PKHD1: variants seen among roughly 807,000 people sequenced by gnomAD.
The protein encoded by PKHD1 is PKHD1 ciliary IPT domain containing fibrocystin/polyductin, also known as fibrocystin.
A neutral mutation model predicts 412.0 loss-of-function variants in PKHD1; 291 were observed. That is an observed-to-expected ratio of 0.71 (90% CI 0.64 to 0.78). The LOEUF (loss-of-function observed/expected upper bound fraction) is 0.78. Ranked by LOEUF, PKHD1 falls within the 30% of genes least tolerant of loss-of-function variation. The probability of loss-of-function intolerance (pLI) is 0.00; values close to 1 mark genes in which losing one functional copy is unlikely to be tolerated. For missense variants in PKHD1, 4,825 were observed against 4,950.7 expected (o/e 0.97, Z 0.76); for synonymous variants, 1,777 against 1,821.5 (o/e 0.98, Z 0.62).
intron 60 of PKHD1, among the ~76,000 whole-genome samples, chr6:51,688,482 G>A (rs1777732690): frequency 6.6e-6 from 1 of 151,390 alleles, no homozygotes; most frequent in South Asian, 2.1e-4. Flanking sequence ...CAAGATCAGA[G>A]CTGAACTGAA....
intron 60 of PKHD1, among the ~76,000 whole-genome samples, chr6:51,737,028 T>TA (rs1783946033): frequency 6.6e-6 from 1 of 152,220 alleles, no homozygotes; most frequent in African/African-American, 2.4e-5. Context: ...TTCTTTTTTT[T>TA]ATCAACCTAA....
In PKHD1 at chr6:51,855,876, T is replaced by C. The variant is rs1554275440; in HGVS notation, c.7911+17A>G. On this transcript the variant is annotated intron_variant, in intron 49 of 66. Coordinates refer to ENST00000371117, the MANE Select transcript of PKHD1 (RefSeq NM_138694.4). The stretch of plus-strand genomic sequence containing the variant: ...AATGAGAATGCAGCATACCAACTAA[T>C]GGATTCCTTGGGTTACCTGCAGAGA... The C allele has an allele frequency of 3.1e-6, 5 of 1,589,882 alleles. No individual in the cohort carries two copies. The South Asian group carries it at 3.3e-5, about 11-fold the overall frequency.
At position 51,931,818 on chromosome 6, in the gene PKHD1, A is replaced by C. The variant is rs557612706; in HGVS notation, c.6121+2292T>G. The stretch of plus-strand genomic sequence containing the variant: ...TGGCCTAATCTGGGAATATAGGAAA[A>C]GGGGGAGAGAGAGAGAGGAGGGAGA... On this transcript the variant is annotated intron_variant, in intron 37 of 66. Transcript: ENST00000371117. 1.1e-4 allele frequency among the ~76,000 whole-genome samples: 17 copies of C among 149,156 alleles called. No individual in the cohort carries two copies. The East Asian group carries it at 2.9e-3, about 26-fold the overall frequency.
At chr6:52,079,820 TC>T (rs1811794430) in intron 5 of PKHD1, 79 bp downstream of exon 5, 3 of 823,372 alleles carry the variant, frequency 3.6e-6, no homozygotes. Flanking sequence ...ACACGCTGGC[TC>T]ATTTACAATT....
At chr6:51,892,471 C>T (rs773464758) in intron 43 of PKHD1, among the ~76,000 whole-genome samples, 6 of 152,316 alleles carry the variant, frequency 3.9e-5, no homozygotes, top group Middle Eastern at 3.4e-3. Context: ...TACTGGTATT[C>T]AGTGCATAGA....
chr6:52,024,466 C>T, intron 32 of PKHD1, 108 bp downstream of exon 32: 5 of 1,080,750 alleles, frequency 4.6e-6, no homozygotes, highest in Admixed American at 1.7e-5. Context: ...GTGGGCTTCT[C>T]TTTCCTTCCA....
At chr6:51,990,213 C>A (rs914182166) in intron 35 of PKHD1, among the ~76,000 whole-genome samples, 1 of 151,692 alleles carries the variant, frequency 6.6e-6, no homozygotes, top group Non-Finnish European at 1.5e-5. Context: ...TTTAAAAAAT[C>A]ATTGGGAAGG....
chr6:51,849,176 G>A (rs772227167), intron 49 of PKHD1, among the ~76,000 whole-genome samples: 4 of 152,064 alleles, frequency 2.6e-5, no homozygotes, highest in Non-Finnish European at 5.9e-5. Flanking sequence ...TCCTGTGTTA[G>A]TTTGCTAACG....
rs145380979 is a variant in PKHD1, at chr6:51,835,517, G to T, written c.8173+887C>A. Among the ~76,000 whole-genome samples the T allele has an allele frequency of 3.2e-3, 484 of 152,192 alleles. 2 individuals are homozygous for T. Among genetic ancestry groups the T allele is most frequent in the African/African-American group, 0.011 (462 of 41,536 alleles). On this transcript the variant is annotated intron_variant, in intron 51 of 66. Coordinates refer to ENST00000371117, the MANE Select transcript of PKHD1 (RefSeq NM_138694.4). The stretch of plus-strand genomic sequence containing the variant: ...AAGTTCATTCCATCTTGCTCATCAT[G>T]GTATCCCCCACACCTTGCATAAAAG...
At chr6:52,023,576 A>C (rs1801719265) in intron 32 of PKHD1, among the ~76,000 whole-genome samples, 1 of 152,052 alleles carries the variant, frequency 6.6e-6, no homozygotes, top group Non-Finnish European at 1.5e-5. Context: ...ATAACTGTAC[A>C]TGTTTTGGGA....
chr6:51,688,951 A>G (rs1376825064), intron 60 of PKHD1, among the ~76,000 whole-genome samples: 1 of 152,218 alleles, frequency 6.6e-6, no homozygotes, highest in Non-Finnish European at 1.5e-5. Context: ...TTCTACTGAA[A>G]CAATTCCAAA....
chr6:51,668,026 C>T (rs1451454979), intron 60 of PKHD1, among the ~76,000 whole-genome samples: 1 of 152,018 alleles, frequency 6.6e-6, no homozygotes, highest in Non-Finnish European at 1.5e-5. Context: ...CTTGGTGATG[C>T]AGGCTCTTTT....
At chr6:51,718,747 G>C (rs1404950935) in intron 60 of PKHD1, among the ~76,000 whole-genome samples, 1 of 152,108 alleles carries the variant, frequency 6.6e-6, no homozygotes, top group Admixed American at 6.5e-5. Context: ...TATAAATGGA[G>C]ATATAATCAA....
In PKHD1 at chr6:51,616,272, T is replaced by G. The variant is rs1288637526; in HGVS notation, c.*2809A>C. 1 of 161,890 alleles carries G rather than the reference T, an allele frequency of 6.2e-6. No individual in the cohort carries two copies. The highest frequency in any genetic ancestry group is 1.3e-5 in the Non-Finnish European group (1 of 74,800). The allele number at this position is 161,890 out of a possible 1,614,324, so 10.0% of individuals were successfully genotyped here. A position where few individuals can be genotyped will look rare whatever the true frequency, so the allele number is the denominator to read the frequency against. The stretch of plus-strand genomic sequence containing the variant: ...TGTCCAATCTCTTGAGAGAAATGAG[T>G]CCATCAATACAGAAAATCAGCAATG... On this transcript the variant is annotated 3_prime_UTR_variant, in exon 67 of 67. Coordinates refer to ENST00000371117, the MANE Select transcript of PKHD1 (RefSeq NM_138694.4).
chr6:51,795,597 T>G (rs1794474329), intron 52 of PKHD1, among the ~76,000 whole-genome samples: 1 of 152,230 alleles, frequency 6.6e-6, no homozygotes, highest in Non-Finnish European at 1.5e-5. Context: ...GGCATCCTTG[T>G]CTTGTGACAG....
At chr6:51,785,515 T>C (rs1792714783) in intron 53 of PKHD1, among the ~76,000 whole-genome samples, 1 of 152,198 alleles carries the variant, frequency 6.6e-6, no homozygotes, top group Non-Finnish European at 1.5e-5. Flanking sequence ...ATAATTTGTG[T>C]CAAAACTGTA....
chr6:51,973,817 T>C (rs879258430), intron 35 of PKHD1, among the ~76,000 whole-genome samples: 1 of 152,202 alleles, frequency 6.6e-6, no homozygotes, highest in East Asian at 1.9e-4. Flanking sequence ...GATTTCTTTT[T>C]TCCCCGTTTT....
chr6:51,683,680 T>G (rs1398305290), intron 60 of PKHD1, among the ~76,000 whole-genome samples: 1 of 151,990 alleles, frequency 6.6e-6, no homozygotes, highest in Non-Finnish European at 1.5e-5. Context: ...TTTGGTAAAT[T>G]CCGGGGGCAG....
At chr6:51,864,510 G>T (rs1281555270) in intron 48 of PKHD1, among the ~76,000 whole-genome samples, 5 of 152,110 alleles carry the variant, frequency 3.3e-5, no homozygotes, top group Admixed American at 1.3e-4. Flanking sequence ...GCTGATAGGT[G>T]ATTAGTGTGG....
Sources: allele counts gnomAD v4.1 joint callset (sites outside exome capture counted in the v4.1 genomes callset), GRCh38; gene constraint gnomAD v4.1.1; transcripts MANE v1.5; gene names NCBI Gene and HGNC (gene_info 2026-07-23, HGNC 2026-07-21).